Variants in CREB5 observed in about 807,000 individuals in gnomAD.
The protein encoded by CREB5 is cyclic AMP-responsive element-binding protein 5.
CREB5 carries 19 observed loss-of-function variants against 57.1 expected under a neutral mutation model. The observed-to-expected ratio is 0.33, with a 90% CI of 0.23 to 0.49. CREB5 has a LOEUF of 0.49. Ranked by LOEUF, CREB5 falls within the 20% of genes least tolerant of loss-of-function variation. CREB5 has a pLI of 0.99. For missense variants in CREB5, 579 were observed against 671.6 expected (o/e 0.86, Z 1.52); for synonymous variants, 238 against 238.3 (o/e 1.00, Z 0.01).
intron 4 of CREB5, among the ~76,000 whole-genome samples, chr7:28,551,522 T>C (rs1794641650): frequency 6.6e-6 from 1 of 152,238 alleles, no homozygotes. Context: ...ATCCAGAATA[T>C]TTGGTCTAAA....
At chr7:28,536,278 G>A (rs1458054116) in intron 4 of CREB5, among the ~76,000 whole-genome samples, 3 of 152,178 alleles carry the variant, frequency 2.0e-5, no homozygotes, top group African/African-American at 4.8e-5. Flanking sequence ...CTTGGACTTC[G>A]CAGAGCCGTC....
At chr7:28,667,189 G>A (rs1354734270) in intron 5 of CREB5, among the ~76,000 whole-genome samples, 1 of 151,566 alleles carries the variant, frequency 6.6e-6, no homozygotes, top group Non-Finnish European at 1.5e-5. Flanking sequence ...GCTGTCCCTG[G>A]GTGGGGCTGT....
At chr7:28,691,099 A>G (rs912079113) in intron 5 of CREB5, among the ~76,000 whole-genome samples, 3 of 152,166 alleles carry the variant, frequency 2.0e-5, no homozygotes, top group Admixed American at 2.0e-4. Flanking sequence ...AGTTATGAGA[A>G]CTGAATTCTA....
At chr7:28,440,640 G>A (rs542341739) in intron 1 of CREB5, among the ~76,000 whole-genome samples, 3 of 152,266 alleles carry the variant, frequency 2.0e-5, no homozygotes, top group African/African-American at 7.2e-5. Context: ...AAACCACTGA[G>A]GCAGAAATTG....
chr7:28,707,850 A>G (rs908831440), intron 5 of CREB5, among the ~76,000 whole-genome samples: 2 of 152,230 alleles, frequency 1.3e-5, no homozygotes, highest in African/African-American at 4.8e-5. Context: ...GTAATTTGCA[A>G]CTTTGAAGAT....
rs1325525218 is a variant in CREB5, at chr7:28,819,180, T to C, written c.1428T>C (p.His476=). The C allele has an allele frequency of 1.2e-6, 2 of 1,613,860 alleles. No homozygotes were observed. The highest frequency in any genetic ancestry group is 1.7e-6 in the Non-Finnish European group (2 of 1,179,876). Residue 476 remains histidine, a synonymous_variant, in exon 11 of 11, where the codon CAT becomes CAC. Transcript: ENST00000357727. The stretch of plus-strand genomic sequence containing the variant: ...GCTCCCAGCAACAAGTCATCCAGCA[T>C]AATACCATCACTACTTCCTCATCGG... The part of the protein sequence containing the change: ...PACSQQQVIQ[H]NTITTSSSVS...
chr7:28,746,364 A>G (rs117634581), intron 7 of CREB5, among the ~76,000 whole-genome samples: 2,969 of 152,248 alleles, frequency 0.02, 51 homozygotes, highest in Non-Finnish European at 0.026. Context: ...AATACCACAA[A>G]GGCTACTTCC....
intron 1 of CREB5, among the ~76,000 whole-genome samples, chr7:28,358,507 G>T (rs966710659): frequency 6.6e-6 from 1 of 152,236 alleles, no homozygotes; most frequent in African/African-American, 2.4e-5. Context: ...CAGGCCGGGA[G>T]CTCTGGTGGT....
chr7:28,611,220 GT>G (rs774879772), intron 5 of CREB5, among the ~76,000 whole-genome samples: 23 of 152,050 alleles, frequency 1.5e-4, no homozygotes, highest in Non-Finnish European at 2.9e-4. Context: ...TCTTCTGGTA[GT>G]ATTGAAGGTC....
intron 1 of CREB5, among the ~76,000 whole-genome samples, chr7:28,312,191 T>TAA (rs10692775): frequency 0.079 from 11,593 of 147,152 alleles, 546 homozygotes; most frequent in Non-Finnish European, 0.1. Context: ...AGCTAATTGA[T>TAA]AAAAAAAAAA....
upstream of CREB5, among the ~76,000 whole-genome samples, chr7:28,412,350 A>G (rs1787833358): frequency 6.6e-6 from 1 of 152,170 alleles, no homozygotes; most frequent in Admixed American, 6.5e-5. Context: ...AAACAATTGG[A>G]CCTTTAGAGC....
chr7:28,606,903 G>A (rs748901745), intron 5 of CREB5, among the ~76,000 whole-genome samples: 7 of 152,098 alleles, frequency 4.6e-5, no homozygotes, highest in African/African-American at 7.2e-5. Flanking sequence ...TGTAGTGATC[G>A]GAGAGGGGAA....
chr7:28,342,547 T>C (rs1309796975), intron 1 of CREB5, among the ~76,000 whole-genome samples: 1 of 152,258 alleles, frequency 6.6e-6, no homozygotes. Flanking sequence ...AGCATCATAG[T>C]TGCAGAATTA....
intron 1 of CREB5, among the ~76,000 whole-genome samples, chr7:28,446,538 A>G (rs1789478383): frequency 6.6e-6 from 1 of 152,090 alleles, no homozygotes; most frequent in Admixed American, 6.5e-5. Context: ...CACACCTGTA[A>G]TCCCAGCACT....
chr7:28,746,409 A>C (rs768822301), intron 7 of CREB5, among the ~76,000 whole-genome samples: 6 of 152,200 alleles, frequency 3.9e-5, no homozygotes, highest in East Asian at 1.9e-4. Context: ...CTTGCTGCTC[A>C]AAGTGGGGTC....
chr7:28,611,489 T>TAAAAA (rs59192497), intron 5 of CREB5, among the ~76,000 whole-genome samples: 1,434 of 47,964 alleles, frequency 0.03, 130 homozygotes, highest in East Asian at 0.17. Context: ...CCATCTCTAC[T>TAAAAA]AAAAAAAAAA....
chr7:28,313,484 C>T (rs1193035284), intron 1 of CREB5, among the ~76,000 whole-genome samples: 1 of 152,194 alleles, frequency 6.6e-6, no homozygotes, highest in African/African-American at 2.4e-5. Flanking sequence ...GACAACCTGA[C>T]TGTATTGGCA....
chr7:28,732,676 T>C (rs1803718063), intron 7 of CREB5, among the ~76,000 whole-genome samples: 1 of 151,972 alleles, frequency 6.6e-6, no homozygotes, highest in Non-Finnish European at 1.5e-5. Flanking sequence ...GCACAGCTAA[T>C]AATGAAAGTT....
intron 1 of CREB5, among the ~76,000 whole-genome samples, chr7:28,443,123 GC>G (rs1789275237): frequency 6.6e-6 from 1 of 152,120 alleles, no homozygotes; most frequent in Non-Finnish European, 1.5e-5. Context: ...ATGGATGCTG[GC>G]AGTAGCTATG....
Sources: gnomAD v4.1 joint callset for allele counts (sites outside exome capture counted in the v4.1 genomes callset) on GRCh38, gnomAD v4.1.1 for gene constraint, MANE v1.5 for transcripts, NCBI Gene and HGNC (gene_info 2026-07-23, HGNC 2026-07-21) for gene names.